The following CTNND2 variants were observed in gnomAD, a reference collection of about 807,000 sequenced individuals.
CTNND2 encodes the protein catenin delta-2.
A neutral mutation model predicts 144.4 loss-of-function variants in CTNND2; 22 were observed. The ratio of observed to expected loss-of-function variants is 0.15; its 90% CI spans 0.11 to 0.22. The LOEUF is 0.22. CTNND2 is among the 10% of genes least tolerant of loss of function. The pLI is 1.00. For synonymous variants in CTNND2, 751 were observed against 695.6 expected, an observed-to-expected ratio of 1.08 and a Z score of -1.25; for missense variants, 1,353 against 1,618.8, an observed-to-expected ratio of 0.84 and a Z score of 2.82.
chr5:11,484,080 AGG>A, intron 3 of CTNND2, among the ~76,000 whole-genome samples: 1 of 152,332 alleles, frequency 6.6e-6, no homozygotes, highest in Middle Eastern at 3.4e-3. Context: ...CACACCCTCA[AGG>A]TTCTCGTAGC....
In CTNND2 at chr5:11,743,657, T is replaced by C. The variant is rs60162397; in HGVS notation, c.38-11385A>G. 5.3e-3 allele frequency among the ~76,000 whole-genome samples: 800 copies of C among 151,856 alleles called. 10 individuals are homozygous for C. Among genetic ancestry groups the C allele is most frequent in the African/African-American group, 0.019 (777 of 41,446 alleles). ...AGGAATTTCAGTTCCACCTGAGAAG[T>C]TGGGGGTGTGGCATTAGGTCTTATT... is the stretch of plus-strand genomic sequence containing the variant. On this transcript the variant is annotated intron_variant, in intron 1 of 21. Transcript: ENST00000304623.
intron 1 of CTNND2, among the ~76,000 whole-genome samples, chr5:11,888,748 C>CTT (rs566356140): frequency 0.018 from 2,401 of 134,668 alleles, 87 homozygotes; most frequent in African/African-American, 0.054. Flanking sequence ...CAGAATGACT[C>CTT]TTTTTTTTTT....
intron 11 of CTNND2, among the ~76,000 whole-genome samples, chr5:11,196,218 C>T (rs1441163258): frequency 6.6e-6 from 1 of 152,140 alleles, no homozygotes; most frequent in Admixed American, 6.5e-5. Flanking sequence ...ACAGCTAGGT[C>T]TAATCTAAAA....
chr5:11,376,849 C>G (rs1036596529), intron 7 of CTNND2, among the ~76,000 whole-genome samples: 3 of 152,130 alleles, frequency 2.0e-5, no homozygotes, highest in African/African-American at 7.2e-5. Context: ...TCTCCCCAGC[C>G]CCACCCCCTC....
intron 3 of CTNND2, among the ~76,000 whole-genome samples, chr5:11,454,342 C>T (rs890723660): frequency 2.6e-5 from 4 of 152,064 alleles, no homozygotes; most frequent in African/African-American, 9.7e-5. Context: ...ATCGCTTGAA[C>T]CCGGGAGGCA....
intron 2 of CTNND2, among the ~76,000 whole-genome samples, chr5:11,682,167 G>A (rs937511056): frequency 6.6e-6 from 1 of 152,178 alleles, no homozygotes; most frequent in African/African-American, 2.4e-5. Flanking sequence ...TGCATCGGCG[G>A]CACACTGGTT....
Position 10,973,614 on chromosome 5 carries a change from C to T in CTNND2, c.3517G>A (p.Glu1173Lys), listed in dbSNP as rs752634917. The stretch of plus-strand genomic sequence containing the variant: ...GGAGGGCGATGGTGGACCTGGTCCT[C>T]GAAGAAGGACTCATCGTAATTTCTT... Reference protein sequence around the residue: ...STRNYDESFFEDQVHHRPPAS... With the variant: ...STRNYDESFFKDQVHHRPPAS... Residue 1173 changes from glutamate to lysine, a missense_variant, in exon 22 of 22, where the codon GAG (glutamate) becomes AAG (lysine). By Grantham distance (56) the Glu-to-Lys change is moderately conservative. Transcript: ENST00000304623. The surrounding 1 kb of genome is among the most constrained non-coding windows in gnomAD (Gnocchi z 5.6). The T allele has an allele frequency of 2.5e-6, 4 of 1,613,940 alleles. No individual in the cohort carries two copies. Among genetic ancestry groups the T allele is most frequent in the Admixed American group, 1.7e-5 (1 of 59,998 alleles).
At chr5:11,414,139 G>A (rs1761748739) in intron 3 of CTNND2, among the ~76,000 whole-genome samples, 1 of 152,140 alleles carries the variant, frequency 6.6e-6, no homozygotes. Context: ...AGAGACTGGA[G>A]TGATGCAGGC....
rs777486402 is a variant in CTNND2 at position 11,756,104 on chromosome 5, C to T, written c.38-23832G>A. ...CAAAAAGACTGCTTTTTAATGCTAA[C>T]ATTATGCAAAAACTTTGTGCCTAGA... is the stretch of plus-strand genomic sequence containing the variant. On this transcript the variant is annotated intron_variant, in intron 1 of 21. Coordinates refer to ENST00000304623, the MANE Select transcript of CTNND2 (RefSeq NM_001332.4). Among the ~76,000 whole-genome samples, 102 of 151,680 alleles carry T rather than the reference C, an allele frequency of 6.7e-4. 1 individual carries two copies. Among genetic ancestry groups the T allele is most frequent in the Middle Eastern group, 3.4e-3 (1 of 294 alleles).
chr5:11,476,682 C>T (rs1428762717), intron 3 of CTNND2, among the ~76,000 whole-genome samples: 1 of 152,122 alleles, frequency 6.6e-6, no homozygotes, highest in Non-Finnish European at 1.5e-5. Context: ...GAGCAAGAAA[C>T]ATATACTAAA....
At chr5:11,887,260 G>T (rs1394454544) in intron 1 of CTNND2, among the ~76,000 whole-genome samples, 1 of 152,026 alleles carries the variant, frequency 6.6e-6, no homozygotes, top group African/African-American at 2.4e-5. Flanking sequence ...TGGGATTACA[G>T]GCAGGAGCCA....
At chr5:11,519,246 CA>C (rs1772496317) in intron 3 of CTNND2, among the ~76,000 whole-genome samples, 1 of 152,134 alleles carries the variant, frequency 6.6e-6, no homozygotes, top group South Asian at 2.1e-4. Context: ...CTTTTTAAAG[CA>C]AAACTTTTCA....
chr5:11,628,069 CA>C (rs777886029), intron 2 of CTNND2, among the ~76,000 whole-genome samples: 4 of 152,096 alleles, frequency 2.6e-5, no homozygotes, highest in Non-Finnish European at 5.9e-5. Flanking sequence ...ATCCATGGCC[CA>C]GGGGTTGGGG....
At chr5:11,749,628 G>C (rs1277365139) in intron 1 of CTNND2, among the ~76,000 whole-genome samples, 2 of 151,944 alleles carry the variant, frequency 1.3e-5, no homozygotes, top group African/African-American at 2.4e-5. Flanking sequence ...AGTACATTCT[G>C]TCTGTTTAAA....
At chr5:11,120,501 G>GCAT (rs1754000869) in intron 12 of CTNND2, among the ~76,000 whole-genome samples, 1 of 147,980 alleles carries the variant, frequency 6.8e-6, no homozygotes, top group African/African-American at 2.5e-5. Flanking sequence ...CTGTCCGCAG[G>GCAT]GGTAATGAGG....
At chr5:11,667,853 A>T (rs1037030366) in intron 2 of CTNND2, among the ~76,000 whole-genome samples, 15 of 152,224 alleles carry the variant, frequency 9.9e-5, no homozygotes, top group South Asian at 2.1e-4. Flanking sequence ...GCCTATGTCC[A>T]GAATGGTATT....
At chr5:11,116,160 A>G (rs1753521680) in intron 13 of CTNND2, among the ~76,000 whole-genome samples, 1 of 152,242 alleles carries the variant, frequency 6.6e-6, no homozygotes, top group East Asian at 1.9e-4. Context: ...AGATGTATTT[A>G]CATGAACACT....
intron 3 of CTNND2, among the ~76,000 whole-genome samples, chr5:11,478,169 C>T (rs901744976): frequency 2.6e-5 from 4 of 152,138 alleles, no homozygotes; most frequent in African/African-American, 9.7e-5. Context: ...TGTGTGTGTG[C>T]ATATTTTTTC....
At chr5:11,754,120 C>G (rs887985720) in intron 1 of CTNND2, among the ~76,000 whole-genome samples, 8 of 151,388 alleles carry the variant, frequency 5.3e-5, no homozygotes, top group Non-Finnish European at 3.0e-5. Context: ...TTTCAAATAA[C>G]TACCTCCAAG....
Sources: allele counts gnomAD v4.1 joint callset (sites outside exome capture counted in the v4.1 genomes callset), GRCh38; gene constraint gnomAD v4.1.1; non-coding constraint Gnocchi (gnomAD v3.1); transcripts MANE v1.5; gene names NCBI Gene and HGNC (gene_info 2026-07-23, HGNC 2026-07-21).